The following PLCB1 variants were observed in gnomAD, a reference collection of about 807,000 sequenced individuals.
The protein encoded by PLCB1 is phospholipase C beta 1, also known as 1-phosphatidylinositol 4,5-bisphosphate phosphodiesterase beta-1.
A neutral mutation model predicts 161.8 loss-of-function variants in PLCB1; 46 were observed. The observed-to-expected ratio is 0.28, with a 90% CI of 0.22 to 0.36. The LOEUF is 0.36. Among genes scored for constraint, PLCB1 ranks in the 10% least tolerant of loss-of-function variants. The pLI, the probability that PLCB1 is intolerant of heterozygous loss-of-function variation, is 1.00. For synonymous variants in PLCB1, 517 were observed against 503.7 expected (o/e 1.03, Z -0.35); for missense variants, 1,016 against 1,472.5 (o/e 0.69, Z 5.07).
At chr20:8,633,141 C>T (rs1175881394) in intron 4 of PLCB1, among the ~76,000 whole-genome samples, 7 of 113,080 alleles carry the variant, frequency 6.2e-5, no homozygotes, top group South Asian at 2.7e-4. Context: ...CACACACACA[C>T]ACACACATAT....
chr20:8,410,387 A>C (rs1244737853), intron 3 of PLCB1, among the ~76,000 whole-genome samples: 3 of 152,178 alleles, frequency 2.0e-5, no homozygotes, highest in African/African-American at 7.2e-5. Context: ...TAAGAGTACA[A>C]GAGAGATCTT....
At chr20:8,734,154 A>AAAAAAAAAAAAT (rs1980458494) in intron 19 of PLCB1, among the ~76,000 whole-genome samples, 1 of 148,336 alleles carries the variant, frequency 6.7e-6, no homozygotes, top group Non-Finnish European at 1.5e-5. Context: ...AAAAAAAAAA[A>AAAAAAAAAAAAT]AAAAAAGTTT....
At chr20:8,250,324 A>G (rs542496368) in intron 2 of PLCB1, among the ~76,000 whole-genome samples, 26 of 152,064 alleles carry the variant, frequency 1.7e-4, no homozygotes, top group Non-Finnish European at 8.8e-5. Flanking sequence ...TTAGTTAATT[A>G]AGGAGAAAAT....
intron 20 of PLCB1, 125 bp downstream of exon 20, chr20:8,737,317 C>T (rs920291357): frequency 1.3e-6 from 1 of 791,446 alleles, no homozygotes; most frequent in Non-Finnish European, 2.0e-6. Flanking sequence ...AAAGCAATTA[C>T]CTTTTGAAAG....
intron 2 of PLCB1, among the ~76,000 whole-genome samples, chr20:8,249,195 C>T (rs1249092277): frequency 3.3e-5 from 5 of 151,890 alleles, no homozygotes; most frequent in Non-Finnish European, 7.4e-5. Flanking sequence ...GTTCGATTTA[C>T]ATAAGAAATA....
chr20:8,578,917 A>G lies in PLCB1; in HGVS notation c.247-49377A>G, dbSNP rs369865667. On this transcript the variant is annotated intron_variant, in intron 3 of 31. Transcript: ENST00000338037. ...AATTTCTGATGGCAGTCACATCTTG[A>G]TAGGAATAAATACTGATTCATTACA... Among the ~76,000 whole-genome samples the G allele has an allele frequency of 2.6e-5, 4 of 152,248 alleles. No homozygotes were observed. The East Asian group carries it at 7.7e-4, about 29-fold the overall frequency.
chr20:8,453,993 T>G (rs1981187229), intron 3 of PLCB1, among the ~76,000 whole-genome samples: 1 of 152,230 alleles, frequency 6.6e-6, no homozygotes, highest in Admixed American at 6.5e-5. Context: ...GCTCACTCAC[T>G]CTGTGCACAC....
chr20:8,339,358 A>G (rs981238666), intron 2 of PLCB1, among the ~76,000 whole-genome samples: 3 of 152,122 alleles, frequency 2.0e-5, no homozygotes, highest in Non-Finnish European at 2.9e-5. Context: ...ACTGAGCTGG[A>G]AAGAGGAGGA....
At chr20:8,313,646 A>T (rs1194821994) in intron 2 of PLCB1, among the ~76,000 whole-genome samples, 1 of 152,224 alleles carries the variant, frequency 6.6e-6, no homozygotes, top group Admixed American at 6.5e-5. Context: ...TAAGTGAAAC[A>T]TGAAACTCAC....
At chr20:8,361,325 A>G (rs1329014386) in intron 2 of PLCB1, among the ~76,000 whole-genome samples, 3 of 152,054 alleles carry the variant, frequency 2.0e-5, no homozygotes, top group Admixed American at 6.5e-5. Flanking sequence ...TGGATGTAGG[A>G]AGCCTGTCCA....
At position 8,521,146 on chromosome 20, in the gene PLCB1, G is replaced by A. The variant is rs1002010555; in HGVS notation, c.247-107148G>A. Reference sequence around the variant, plus strand: ...ATTTATTGAGGCTGTTCCCTTAAGGGCTAATTCTAGGTAATGCTTCATTAA... The same window carrying A: ...ATTTATTGAGGCTGTTCCCTTAAGGACTAATTCTAGGTAATGCTTCATTAA... On this transcript the variant is annotated intron_variant, in intron 3 of 31. Coordinates refer to ENST00000338037, the MANE Select transcript of PLCB1 (RefSeq NM_015192.4). 2.0e-5 allele frequency among the ~76,000 whole-genome samples: 3 copies of A among 152,048 alleles called. No individual in the cohort carries two copies. The East Asian group carries it at 5.8e-4, about 29-fold the overall frequency.
At chr20:8,237,396 G>T (rs890134773) in intron 2 of PLCB1, among the ~76,000 whole-genome samples, 1 of 151,914 alleles carries the variant, frequency 6.6e-6, no homozygotes, top group Non-Finnish European at 1.5e-5. Flanking sequence ...TTTTTAAAAA[G>T]AAAAAATGCC....
chr20:8,678,120 T>A (rs1346077616), intron 9 of PLCB1, among the ~76,000 whole-genome samples: 1 of 152,124 alleles, frequency 6.6e-6, no homozygotes, highest in Admixed American at 6.6e-5. Flanking sequence ...TGGAGATATA[T>A]GCAAAAAATT....
chr20:8,183,724 A>T (rs1285639244), intron 2 of PLCB1, among the ~76,000 whole-genome samples: 1 of 152,316 alleles, frequency 6.6e-6, no homozygotes, highest in East Asian at 1.9e-4. Flanking sequence ...GTCTCCAGGG[A>T]TATCAGGGTG....
intron 27 of PLCB1, among the ~76,000 whole-genome samples, chr20:8,788,004 G>A (rs1030355362): frequency 2.6e-4 from 39 of 152,176 alleles, no homozygotes; most frequent in Non-Finnish European, 8.8e-5. Context: ...TTACATTTGT[G>A]TCATACTTAT....
At chr20:8,436,699 G>C (rs1195402811) in intron 3 of PLCB1, among the ~76,000 whole-genome samples, 2 of 152,116 alleles carry the variant, frequency 1.3e-5, no homozygotes, top group African/African-American at 4.8e-5. Flanking sequence ...ACCTGTTCCA[G>C]TGAAAACCCT....
At chr20:8,600,380 CT>C (rs1987513695) in intron 3 of PLCB1, among the ~76,000 whole-genome samples, 1 of 117,534 alleles carries the variant, frequency 8.5e-6, no homozygotes, top group Non-Finnish European at 1.8e-5. Context: ...CAGTGTGCCC[CT>C]GCTGGGGGGT....
chr20:8,546,636 A>C (rs112320464), intron 3 of PLCB1, among the ~76,000 whole-genome samples: 62 of 152,250 alleles, frequency 4.1e-4, no homozygotes, highest in African/African-American at 1.3e-3. Context: ...TGCTGCAAAA[A>C]TAAGTATATT....
intron 3 of PLCB1, among the ~76,000 whole-genome samples, chr20:8,381,179 T>G (rs1470914760): frequency 6.6e-6 from 1 of 152,226 alleles, no homozygotes; most frequent in Non-Finnish European, 1.5e-5. Flanking sequence ...TCAAAGGCCT[T>G]TTCTGCATCT....
Sources: allele counts gnomAD v4.1 joint callset (sites outside exome capture counted in the v4.1 genomes callset), GRCh38; gene constraint gnomAD v4.1.1; transcripts MANE v1.5; gene names NCBI Gene and HGNC (gene_info 2026-07-23, HGNC 2026-07-21).